The following SATL1 variants were observed in gnomAD, a reference collection of about 807,000 sequenced individuals.
SATL1 encodes spermidine/spermine N(1)-acetyltransferase-like protein 1.
A neutral mutation model predicts 51.8 loss-of-function variants in SATL1; 47 were observed. The observed-to-expected ratio is 0.91, with a 90% confidence interval of 0.72 to 1.16. The LOEUF (loss-of-function observed/expected upper bound fraction) is 1.16. Ranked by LOEUF, SATL1 falls within the 50% of genes most tolerant of loss-of-function variation. SATL1 has a pLI of 0.00. For missense variants in SATL1, 520 were observed against 526.4 expected, an observed-to-expected ratio of 0.99 and a Z score of 0.12; for synonymous variants, 176 against 182.4, an observed-to-expected ratio of 0.97 and a Z score of 0.28.
At chrX:85,133,479 G>C (rs893127097) in intron 2 of SATL1, among the ~76,000 whole-genome samples, 3 of 112,365 alleles carry the variant, frequency 2.7e-5, no homozygotes, top group African/African-American at 9.7e-5. Flanking sequence ...ATAATCTCCT[G>C]GTGTGCCATT....
chrX:85,193,863 G>A (rs1442504716), intron 2 of SATL1, among the ~76,000 whole-genome samples: 2 of 112,104 alleles, frequency 1.8e-5, no homozygotes, highest in Non-Finnish European at 3.8e-5. Context: ...ATCTTTTTAT[G>A]ACTGCATAGT....
At chrX:85,223,823 C>T (rs1180644968) in intron 2 of SATL1, among the ~76,000 whole-genome samples, 2 of 111,439 alleles carry the variant, frequency 1.8e-5, no homozygotes, top group Non-Finnish European at 3.8e-5. Flanking sequence ...TAGTTTTCAA[C>T]ATGTGTGCAA....
chrX:85,175,699 G>A (rs1439958063), intron 2 of SATL1, among the ~76,000 whole-genome samples: 2 of 110,780 alleles, frequency 1.8e-5, no homozygotes, highest in African/African-American at 3.3e-5. Flanking sequence ...GGCTTTTGAC[G>A]CCCCTTGGCT....
intron 1 of SATL1, among the ~76,000 whole-genome samples, chrX:85,240,202 C>T (rs1466714305): frequency 8.9e-6 from 1 of 111,743 alleles, no homozygotes; most frequent in East Asian, 2.8e-4. Flanking sequence ...AATAAGGACA[C>T]AAACAGGTGT....
At chrX:85,152,376 A>C (rs1055467361) in intron 2 of SATL1, among the ~76,000 whole-genome samples, 1 of 111,820 alleles carries the variant, frequency 8.9e-6, no homozygotes, top group Non-Finnish European at 1.9e-5. Flanking sequence ...GTGGGATTGT[A>C]AACTAGTTCA....
rs752144719 is a variant in SATL1 at position 85,105,069 on chromosome X, CTCT to C, written c.1642-1157_1642-1155del. On this transcript the variant is annotated intron_variant, in intron 3 of 7. Coordinates refer to ENST00000644105, the MANE Select transcript of SATL1 (RefSeq NM_001367857.2). ...TGGTATAGATCATCTCCCCTCATTACTCTTCTTTTTTGAATTTTTAAAATGTTT... is the reference window on the plus strand; with the variant it reads ...TGGTATAGATCATCTCCCCTCATTACTCTTTTTTGAATTTTTAAAATGTTT... 4.9e-4 allele frequency among the ~76,000 whole-genome samples: 55 copies of C among 111,562 alleles called. No homozygotes were observed. In the East Asian group the frequency reaches 0.014, roughly 28 times the overall value.
intron 2 of SATL1, among the ~76,000 whole-genome samples, chrX:85,212,463 T>C (rs1343911926): frequency 9.0e-6 from 1 of 111,334 alleles, no homozygotes; most frequent in African/African-American, 3.3e-5. Context: ...GAGTGAGAAA[T>C]AGAATAAAAA....
At chrX:85,104,018 C>G in intron 3 of SATL1, 103 bp from the exon 4 acceptor site, 1 of 589,988 alleles carries the variant, frequency 1.7e-6, no homozygotes, top group Non-Finnish European at 2.7e-6. Context: ...ATGTGACGTC[C>G]TGGGCAGTGT....
intron 2 of SATL1, among the ~76,000 whole-genome samples, chrX:85,221,181 C>T (rs997747010): frequency 1.0e-4 from 11 of 109,418 alleles, no homozygotes; most frequent in African/African-American, 3.7e-4. Flanking sequence ...CCCAAGATAT[C>T]GGGTCTCTGT....
chrX:85,181,375 C>A (rs969934439), intron 2 of SATL1, among the ~76,000 whole-genome samples: 4 of 109,582 alleles, frequency 3.7e-5, no homozygotes, highest in Non-Finnish European at 7.6e-5. Context: ...ATTCAAGATG[C>A]CTACTCCAAG....
At chrX:85,154,972 T>G (rs919303675) in intron 2 of SATL1, among the ~76,000 whole-genome samples, 2 of 111,403 alleles carry the variant, frequency 1.8e-5, no homozygotes, top group African/African-American at 3.3e-5. Context: ...ACTTTAAAAT[T>G]GGAAGAATGG....
intron 2 of SATL1, among the ~76,000 whole-genome samples, chrX:85,134,499 A>G (rs1473827820): frequency 9.0e-6 from 1 of 111,421 alleles, no homozygotes; most frequent in Non-Finnish European, 1.9e-5. Context: ...TGTTTTCAAG[A>G]GTCTCAGTAT....
chrX:85,238,945 G>A (rs1353232013), intron 1 of SATL1, among the ~76,000 whole-genome samples: 1 of 110,674 alleles, frequency 9.0e-6, no homozygotes, highest in African/African-American at 3.3e-5. Context: ...CTGGGGGACT[G>A]GGAAATGTGC....
intron 4 of SATL1, among the ~76,000 whole-genome samples, chrX:85,097,157 C>T (rs1191422257): frequency 2.7e-5 from 3 of 110,663 alleles, no homozygotes; most frequent in Non-Finnish European, 5.7e-5. Flanking sequence ...GAGAAACCCA[C>T]ATATACAGAG....
intron 2 of SATL1, among the ~76,000 whole-genome samples, chrX:85,201,656 CTTCT>C (rs1306213233): frequency 3.6e-5 from 4 of 111,018 alleles, no homozygotes; most frequent in Admixed American, 1.9e-4. Context: ...CTTCTGCTTC[CTTCT>C]TTGTGTTCAT....
chrX:85,232,558 C>T (rs1412627192), intron 1 of SATL1, among the ~76,000 whole-genome samples: 1 of 111,358 alleles, frequency 9.0e-6, no homozygotes, highest in Non-Finnish European at 1.9e-5. Flanking sequence ...AGAGAAAAGC[C>T]CACTATCCTG....
At chrX:85,230,456 TA>T (rs1171040456) in intron 1 of SATL1, among the ~76,000 whole-genome samples, 1 of 112,018 alleles carries the variant, frequency 8.9e-6, no homozygotes, top group African/African-American at 3.2e-5. Flanking sequence ...ACATAAGACC[TA>T]AAACTGTAAA....
intron 2 of SATL1, among the ~76,000 whole-genome samples, chrX:85,126,468 A>AC (rs1442033849): frequency 9.0e-6 from 1 of 111,349 alleles, no homozygotes; most frequent in African/African-American, 3.3e-5. Context: ...GCCTAAGACC[A>AC]CATAGTAAGT....
At chrX:85,151,752 C>G (rs760590451) in intron 2 of SATL1, among the ~76,000 whole-genome samples, 211 of 111,658 alleles carry the variant, frequency 1.9e-3, no homozygotes, top group African/African-American at 6.4e-3. Flanking sequence ...GCTGGGAAAA[C>G]TGGCTAGCCA....
Sources: allele counts gnomAD v4.1 joint callset (sites outside exome capture counted in the v4.1 genomes callset), GRCh38; gene constraint gnomAD v4.1.1; transcripts MANE v1.5; gene names NCBI Gene and HGNC (gene_info 2026-07-23, HGNC 2026-07-21).